The following H6PD variants were observed in gnomAD, a reference collection of about 807,000 sequenced individuals.
The protein encoded by H6PD is hexose-6-phosphate dehydrogenase/glucose 1-dehydrogenase.
Under a neutral mutation model 61.2 loss-of-function variants are expected in H6PD, and 48 were observed. The ratio of observed to expected loss-of-function variants is 0.78; its 90% CI spans 0.62 to 1.00. H6PD has a LOEUF of 1.00. H6PD is among the 50% of genes least tolerant of loss of function. The pLI is 0.00. For synonymous variants in H6PD, 480 were observed against 457.9 expected (o/e 1.05, Z -0.62); for missense variants, 1,093 against 1,065.0 (o/e 1.03, Z -0.37).
rs530851809 is a variant in H6PD at position 9,248,694 on chromosome 1, G to C, written c.745+1611G>C. On this transcript the variant is annotated intron_variant, in intron 3 of 4. Coordinates refer to ENST00000377403, the MANE Select transcript of H6PD (RefSeq NM_004285.4). Reference sequence around the variant, plus strand: ...AGGCAGCGTGGTGGGGGGACAATGTGGGGGGTGGGCGGGAGGCCAGGCAGG... The same window carrying C: ...AGGCAGCGTGGTGGGGGGACAATGTCGGGGGTGGGCGGGAGGCCAGGCAGG... Among the ~76,000 whole-genome samples, 16 of 151,674 alleles carry C rather than the reference G, an allele frequency of 1.1e-4. No individual in the cohort carries two copies. The South Asian group carries it at 3.3e-3, about 32-fold the overall frequency.
At chr1:9,263,418 C>G (rs561670704) in intron 4 of H6PD, 91 bp from the exon 5 acceptor site, 1 of 1,256,270 alleles carries the variant, frequency 8.0e-7, no homozygotes. Context: ...GGCAGGGGGA[C>G]GCCCAGAGGA....
intron 1 of H6PD, chr1:9,242,894 G>A (rs955403009): frequency 7.5e-5 from 74 of 985,262 alleles, no homozygotes; most frequent in Non-Finnish European, 8.6e-5. Context: ...AGCGATTGCC[G>A]GTTGAGGAAA....
In H6PD at chr1:9,262,309, C is replaced by T. The variant is rs779176858; in HGVS notation, c.996C>T (p.Ser332=). The change falls in exon 4 of 5, where the codon AGC becomes AGT. Residue 332 remains serine (S), a synonymous_variant. Coordinates refer to ENST00000377403, the MANE Select transcript of H6PD (RefSeq NM_004285.4). ...TGCAGAAGCCAGACAGCTTCCACAG[C>T]CTGACGCCGACCTTCGCAGGTGGGC... ...RELQKPDSFH[S]LTPTFAAVLV... 18 of 1,605,914 alleles carry T rather than the reference C, an allele frequency of 1.1e-5. No individual in the cohort carries two copies. In the South Asian group the frequency reaches 1.8e-4, roughly 16 times the overall value.
At chr1:9,244,153 G>A (rs1430237088) in intron 1 of H6PD, among the ~76,000 whole-genome samples, 2 of 152,172 alleles carry the variant, frequency 1.3e-5, no homozygotes, top group Admixed American at 6.5e-5. Context: ...ATCATTTGCT[G>A]GTATCACTCT....
chr1:9,264,585 C>G lies in H6PD; in HGVS notation c.2092C>G (p.His698Asp). Residue 698 changes from histidine to aspartate, a missense_variant, in exon 5 of 5, where the codon CAC becomes GAC. Physicochemically the swap from His to Asp is moderately conservative, Grantham distance 81 (BLOSUM62 -1). Transcript: ENST00000377403. ...GCTGCTGGGCATGGGTGCCGACGGG[C>G]ACACAGCCTCCCTCTTCCCACAGTC... ...LVLLGMGADG[H>D]TASLFPQSPT... 1 of 1,613,264 alleles carries G rather than the reference C, an allele frequency of 6.2e-7. No homozygotes were observed. Among genetic ancestry groups the G allele is most frequent in the Non-Finnish European group, 8.5e-7 (1 of 1,179,962 alleles).
rs74053633 is a variant in H6PD, at chr1:9,268,302, A to G, written c.*3433A>G. On this transcript the variant is annotated 3_prime_UTR_variant, in exon 5 of 5. Coordinates refer to ENST00000377403, the MANE Select transcript of H6PD (RefSeq NM_004285.4). ...CAGCCCAGGGAGCAGCCCCGCTCAG[A>G]ACCCAAGTCCCAAGTTCCAGCACTG... 22 of 152,100 alleles carry G rather than the reference A, an allele frequency of 1.4e-4. No individual in the cohort carries two copies. Among genetic ancestry groups the G allele is most frequent in the African/African-American group, 4.6e-4 (19 of 41,410 alleles). 9.4% of individuals were successfully genotyped at this position (152,100 alleles called of 1,614,324 possible).
At chr1:9,250,814 C>A (rs1360634790) in intron 3 of H6PD, among the ~76,000 whole-genome samples, 1 of 152,228 alleles carries the variant, frequency 6.6e-6, no homozygotes. Context: ...CTTCCCCCAC[C>A]CGCATCACAC....
chr1:9,251,892 T>A (rs1375712339), intron 3 of H6PD, among the ~76,000 whole-genome samples: 37 of 145,780 alleles, frequency 2.5e-4, no homozygotes, highest in African/African-American at 7.7e-4. Flanking sequence ...TTTTTTTTTT[T>A]AATCTATTTT....
rs111264547 is a variant in H6PD at position 9,235,639 on chromosome 1, C to T, written c.-11+573C>T. Among the ~76,000 whole-genome samples the T allele has an allele frequency of 5.6e-3, 852 of 152,268 alleles. 3 individuals are homozygous for T. The highest frequency in any genetic ancestry group is 8.8e-3 in the Non-Finnish European group (596 of 68,022). On this transcript the variant is annotated intron_variant, in intron 1 of 4. Transcript: ENST00000377403. ...ATCTTTTACTTATAAAAGATGGGGT[C>T]TTGCTTGGTTGCCCAGGCTGGAGTA...
rs150558093 is a variant in H6PD, at chr1:9,269,218, C to G, written c.*4349C>G. The G allele has an allele frequency of 6.6e-6, 1 of 152,264 alleles. No homozygotes were observed. Among genetic ancestry groups the G allele is most frequent in the Admixed American group, 6.5e-5 (1 of 15,286 alleles). The allele number at this position is 152,264 out of a possible 1,614,324, so 9.4% of individuals were successfully genotyped here. A position where few individuals can be genotyped will look rare whatever the true frequency, so the allele number is the denominator to read the frequency against. On this transcript the variant is annotated 3_prime_UTR_variant, in exon 5 of 5. Transcript: ENST00000377403. The surrounding 1 kb of genome is among the most constrained non-coding windows in gnomAD (Gnocchi z 4.3). ...TCTCCAGACATCATAGGCCATGTGA[C>G]CCACTAGGGGCCGCTTACCCCTGGC...
Position 9,264,002 on chromosome 1 carries a change from A to G in H6PD, c.1509A>G (p.Gly503=), listed in dbSNP as rs769545354. 21 of 1,614,030 alleles carry G rather than the reference A, an allele frequency of 1.3e-5. No individual in the cohort carries two copies. In the Admixed American group the frequency reaches 2.5e-4, roughly 19 times the overall value. ...LAHKAPRLYP[G]GAENGRLLDF... ...ATAAGGCCCCACGCCTCTACCCTGG[A>G]GGAGCTGAGAATGGCCGTCTGTTGG... The change falls in exon 5 of 5, where the codon GGA becomes GGG. Residue 503 remains glycine, a synonymous_variant. Coordinates refer to ENST00000377403, the MANE Select transcript of H6PD (RefSeq NM_004285.4).
intron 3 of H6PD, among the ~76,000 whole-genome samples, chr1:9,256,619 G>A (rs939817137): frequency 6.6e-6 from 1 of 152,170 alleles, no homozygotes; most frequent in Non-Finnish European, 1.5e-5. Context: ...AGGGGAGCAT[G>A]CTGGGCTCAG....
chr1:9,252,781 T>G (rs1425696920), intron 3 of H6PD, among the ~76,000 whole-genome samples: 1 of 152,226 alleles, frequency 6.6e-6, no homozygotes, highest in Admixed American at 6.5e-5. Flanking sequence ...CTCTCTGTTA[T>G]GAGTCTGAGC....
intron 1 of H6PD, among the ~76,000 whole-genome samples, chr1:9,239,078 ACT>A (rs759978418): frequency 2.8e-4 from 42 of 151,230 alleles, no homozygotes; most frequent in Non-Finnish European, 4.1e-4. Flanking sequence ...ACAGAGTCTC[ACT>A]CTGTCACCCA....
chr1:9,245,202 A>G lies in H6PD; in HGVS notation c.268A>G (p.Met90Val), dbSNP rs774556276. 3.7e-6 allele frequency: 6 copies of G among 1,614,084 alleles called. No individual in the cohort carries two copies. The highest frequency in any genetic ancestry group is 1.7e-5 in the Admixed American group (1 of 60,008). ...GGAATCCCTCTCCTGCCCCAAGGAC[A>G]TGGCACCCAGTCACTGTGCAGAGCA... is the stretch of plus-strand genomic sequence containing the variant. Reference protein sequence around the residue: ...ALESLSCPKDMAPSHCAEHKD... With the variant: ...ALESLSCPKDVAPSHCAEHKD... The change falls in exon 2 of 5, where the codon ATG becomes GTG. Residue 90 changes from methionine (M) to valine (V), a missense_variant. Met to Val is a conservative substitution (Grantham distance 21, BLOSUM62 1). Coordinates refer to ENST00000377403, the MANE Select transcript of H6PD (RefSeq NM_004285.4). This position sits in a 1 kb window ranked among gnomAD's most constrained non-coding sequence, Gnocchi z 4.8.
In H6PD at chr1:9,264,169, G is replaced by C; in HGVS notation, c.1676G>C (p.Trp559Ser). 3 of 1,612,486 alleles carry C rather than the reference G, an allele frequency of 1.9e-6. No individual in the cohort carries two copies. The highest frequency in any genetic ancestry group is 2.5e-6 in the Non-Finnish European group (3 of 1,179,110). The part of the protein sequence containing the change: ...KYRESPLVSA[W>S]SEELISKLAN... The stretch of plus-strand genomic sequence containing the variant: ...CGAGAGAGCCCGCTGGTCTCCGCCT[G>C]GTCCGAGGAGCTGATCTCTAAGCTG... The change falls in exon 5 of 5, where the codon TGG becomes TCG. Residue 559 changes from tryptophan to serine, a missense_variant. Coordinates refer to ENST00000377403, the MANE Select transcript of H6PD (RefSeq NM_004285.4).
intron 1 of H6PD, among the ~76,000 whole-genome samples, chr1:9,238,145 T>G (rs1364384479): frequency 1.3e-5 from 2 of 151,718 alleles, no homozygotes; most frequent in Admixed American, 1.3e-4. Flanking sequence ...GAAAAATTAG[T>G]GAGGGAGTAA....
chr1:9,264,266 G>T lies in H6PD; in HGVS notation c.1773G>T (p.Gly591=), dbSNP rs1322899341. 3 of 1,609,988 alleles carry T rather than the reference G, an allele frequency of 1.9e-6. No homozygotes were observed. The highest frequency in any genetic ancestry group is 1.7e-5 in the Admixed American group (1 of 59,804). ...GCCAGTTCCACCTGGCACTGTCGGG[G>T]GGCTCGAGCCCCGTGGCCCTGTTCC... ...RFGQFHLALS[G]GSSPVALFQQ... The change falls in exon 5 of 5, where the codon GGG becomes GGT. Residue 591 remains glycine (G), a synonymous_variant. Transcript: ENST00000377403.
intron 3 of H6PD, among the ~76,000 whole-genome samples, chr1:9,255,337 A>G (rs1641483383): frequency 6.6e-6 from 1 of 152,004 alleles, no homozygotes; most frequent in African/African-American, 2.4e-5. Context: ...GCTGGAGTGC[A>G]GTGGTGCAAT....
Sources: allele counts gnomAD v4.1 joint callset (sites outside exome capture counted in the v4.1 genomes callset), GRCh38; gene constraint gnomAD v4.1.1; non-coding constraint Gnocchi (gnomAD v3.1); transcripts MANE v1.5; gene names NCBI Gene and HGNC (gene_info 2026-07-23, HGNC 2026-07-21).